Variants in P2RY10 observed in about 807,000 individuals in gnomAD.
P2RY10 encodes the protein putative P2Y purinoceptor 10.
Under a neutral mutation model 12.1 loss-of-function variants are expected in P2RY10, and 4 were observed. The ratio of observed to expected loss-of-function variants is 0.33; its 90% confidence interval spans 0.16 to 0.76. The LOEUF (loss-of-function observed/expected upper bound fraction) is 0.76. Among genes scored for constraint, P2RY10 ranks in the 30% least tolerant of loss-of-function variants. The pLI, the probability that P2RY10 is intolerant of heterozygous loss-of-function variation, is 0.61. For missense variants in P2RY10, 233 were observed against 264.6 expected, an observed-to-expected ratio of 0.88 and a Z score of 0.83; for synonymous variants, 112 against 94.1, an observed-to-expected ratio of 1.19 and a Z score of -1.10.
At chrX:78,956,903 G>A (rs1463046469) in intron 3 of P2RY10, among the ~76,000 whole-genome samples, 2 of 111,609 alleles carry the variant, frequency 1.8e-5, no homozygotes, top group Non-Finnish European at 3.8e-5. Flanking sequence ...CATACTTAAT[G>A]TTAATGTTAG....
At position 78,961,338 on chromosome X, in the gene P2RY10, T is replaced by C. The variant is rs1201370053; in HGVS notation, c.818T>C (p.Ile273Thr). ...FIFYTMVKET[I>T]ISSCPVVRIA... ...TTTTACACCATGGTAAAGGAAACCA[T>C]CATTAGCAGTTGTCCCGTTGTCCGA... Residue 273 changes from isoleucine to threonine, a missense_variant, in exon 4 of 4, where the codon ATC becomes ACC. By Grantham distance (89) the Ile-to-Thr change is moderately conservative. Coordinates refer to ENST00000171757, the MANE Select transcript of P2RY10 (RefSeq NM_014499.4). 1 of 1,209,215 alleles carries C rather than the reference T, an allele frequency of 8.3e-7. No homozygotes were observed. The highest frequency in any genetic ancestry group is 1.1e-6 in the Non-Finnish European group (1 of 894,710).
At chrX:78,951,179 A>G (rs1437105772) in intron 2 of P2RY10, among the ~76,000 whole-genome samples, 2 of 111,881 alleles carry the variant, frequency 1.8e-5, no homozygotes, top group Non-Finnish European at 3.8e-5. Context: ...CCAATGAATC[A>G]TATTTAAAGA....
At chrX:78,950,424 A>G (rs1264838199) in intron 2 of P2RY10, among the ~76,000 whole-genome samples, 1 of 111,463 alleles carries the variant, frequency 9.0e-6, no homozygotes, top group East Asian at 2.8e-4. Context: ...ATATAAAATT[A>G]CTGAAATCCA....
chrX:78,954,011 C>T (rs763645336), intron 3 of P2RY10, among the ~76,000 whole-genome samples: 3 of 111,219 alleles, frequency 2.7e-5, no homozygotes, highest in South Asian at 7.7e-4. Flanking sequence ...ACCACATAGG[C>T]GTGCCACCGC....
Position 78,960,697 on chromosome X carries a change from G to C in P2RY10, c.177G>C (p.Leu59=), listed in dbSNP as rs775850231. 1 of 1,209,029 alleles carries C rather than the reference G, an allele frequency of 8.3e-7. No homozygotes were observed. Among genetic ancestry groups the C allele is most frequent in the Admixed American group, 2.2e-5 (1 of 45,711 alleles). The change falls in exon 4 of 4, where the codon CTG becomes CTC. Residue 59 remains leucine, a synonymous_variant. Coordinates refer to ENST00000171757, the MANE Select transcript of P2RY10 (RefSeq NM_014499.4). ...LLANSAALWV[L]CRFISKKNKA... ...CTAACAGTGCAGCCTTGTGGGTTCT[G>C]TGCCGCTTCATCAGCAAGAAAAATA...
At chrX:78,959,854 G>A (rs776799627) in intron 3 of P2RY10, among the ~76,000 whole-genome samples, 1 of 112,096 alleles carries the variant, frequency 8.9e-6, no homozygotes, top group South Asian at 3.7e-4. Flanking sequence ...TATTATTAAA[G>A]CTTTTTATGT....
chrX:78,946,271 C>T (rs192261289), intron 1 of P2RY10, among the ~76,000 whole-genome samples: 56 of 111,876 alleles, frequency 5.0e-4, no homozygotes, highest in Non-Finnish European at 3.0e-4. Context: ...TTCCTTGATC[C>T]TTTGAAAGCT....
chrX:78,952,551 CAA>C (rs1410614159), intron 3 of P2RY10, among the ~76,000 whole-genome samples: 1 of 111,346 alleles, frequency 9.0e-6, no homozygotes, highest in Non-Finnish European at 1.9e-5. Flanking sequence ...AGGAAGGCAA[CAA>C]AGAGCTAGAA....
At position 78,947,826 on chromosome X, in the gene P2RY10, A is replaced by C. The variant is rs1409563534; in HGVS notation, c.-194A>C. On this transcript the variant is annotated 5_prime_UTR_variant, in exon 2 of 4. It removes an upstream start codon present in the reference 5' UTR. Transcript: ENST00000171757. The stretch of plus-strand genomic sequence containing the variant: ...TATATTTCTTTCAGGTAATGTTATC[A>C]TGACAGCTTCAACTTTTAGACCACA... 1.4e-6 allele frequency: 1 copy of C among 706,074 alleles called. No individual in the cohort carries two copies. Among genetic ancestry groups the C allele is most frequent in the Non-Finnish European group, 1.7e-6 (1 of 596,411 alleles). The allele number at this position is 706,074 out of a possible 1,213,427, so 58.2% of individuals were successfully genotyped here.
chrX:78,960,700 C>T lies in P2RY10; in HGVS notation c.180C>T (p.Cys60=), dbSNP rs904730024. ...LANSAALWVL[C]RFISKKNKAI... ...ACAGTGCAGCCTTGTGGGTTCTGTG[C>T]CGCTTCATCAGCAAGAAAAATAAAG... Residue 60 remains cysteine (C), a synonymous_variant, in exon 4 of 4, where the codon TGC becomes TGT. Transcript: ENST00000171757. The T allele has an allele frequency of 1.7e-6, 2 of 1,210,192 alleles. No homozygotes were observed. Among genetic ancestry groups the T allele is most frequent in the East Asian group, 3.0e-5 (1 of 33,835 alleles).
rs2147273725 is a variant in P2RY10, at chrX:78,960,877, C to T, written c.357C>T (p.Ala119=). 1.7e-6 allele frequency: 2 copies of T among 1,211,382 alleles called. No individual in the cohort carries two copies. Among genetic ancestry groups the T allele is most frequent in the Non-Finnish European group, 2.2e-6 (2 of 895,302 alleles). ...ACCTGAAGTATCTCAACATGTATGC[C>T]AGCATTTGTTTCCTGACGTGCATCA... ...CFYLKYLNMY[A]SICFLTCISL... The change falls in exon 4 of 4, where the codon GCC becomes GCT. Residue 119 remains alanine, a synonymous_variant. Transcript: ENST00000171757.
intron 1 of P2RY10, among the ~76,000 whole-genome samples, chrX:78,947,094 A>T (rs1168616926): frequency 3.6e-5 from 4 of 110,872 alleles, no homozygotes; most frequent in Non-Finnish European, 7.6e-5. Flanking sequence ...AGGCGCCTGT[A>T]ATCCCAGCTA....
chrX:78,961,662 G>A lies in P2RY10; in HGVS notation c.*122G>A. 2 of 528,465 alleles carry A rather than the reference G, an allele frequency of 3.8e-6. No individual in the cohort carries two copies. The highest frequency in any genetic ancestry group is 6.2e-6 in the Non-Finnish European group (2 of 320,497). 43.6% of individuals were successfully genotyped at this position (528,465 alleles called of 1,213,427 possible). A position where few individuals can be genotyped will look rare whatever the true frequency, so the allele number is the denominator to read the frequency against. On this transcript the variant is annotated 3_prime_UTR_variant, in exon 4 of 4. Transcript: ENST00000171757. ...GTAAAAAACAGGAATAAGTACTTTTGTGTAATATTCACAGTCAACAGGGGT... is the reference window on the plus strand; with the variant it reads ...GTAAAAAACAGGAATAAGTACTTTTATGTAATATTCACAGTCAACAGGGGT...
In P2RY10 at chrX:78,949,841, C is replaced by G. The variant is rs1406798909; in HGVS notation, c.-157+1978C>G. Among the ~76,000 whole-genome samples, 4 of 111,873 alleles carry G rather than the reference C, an allele frequency of 3.6e-5. No homozygotes were observed. The Admixed American group carries it at 3.8e-4, about 11-fold the overall frequency. ...GCAGAGTTTCCAATTCTAGCTGCTA[C>G]TCTTTGGTTCTGGTTGTAAGCGGCT... On this transcript the variant is annotated intron_variant, in intron 2 of 3. Coordinates refer to ENST00000171757, the MANE Select transcript of P2RY10 (RefSeq NM_014499.4).
intron 2 of P2RY10, among the ~76,000 whole-genome samples, chrX:78,950,141 T>C (rs1922042081): frequency 9.0e-6 from 1 of 111,160 alleles, no homozygotes; most frequent in South Asian, 3.8e-4. Context: ...CATGTTTACT[T>C]AGTGGTGCCA....
At chrX:78,950,537 G>A (rs1174009711) in intron 2 of P2RY10, among the ~76,000 whole-genome samples, 1 of 111,296 alleles carries the variant, frequency 9.0e-6, no homozygotes, top group Non-Finnish European at 1.9e-5. Flanking sequence ...CACTCCTGTT[G>A]TAAAGAAATT....
chrX:78,952,342 A>G lies in P2RY10; in HGVS notation c.-14+7A>G. 1.3e-6 allele frequency: 1 copy of G among 748,754 alleles called. No homozygotes were observed. Among genetic ancestry groups the G allele is most frequent in the African/African-American group, 2.3e-5 (1 of 43,687 alleles). The allele number at this position is 748,754 out of a possible 1,213,427, so 61.7% of individuals were successfully genotyped here. A position where few individuals can be genotyped will look rare whatever the true frequency, so the allele number is the denominator to read the frequency against. Reference sequence around the variant, plus strand: ...AGAGCACTTCAAACTAGAGGTACCAAGAGTAATTACTTCTGTAAGGCTGGC... The same window carrying G: ...AGAGCACTTCAAACTAGAGGTACCAGGAGTAATTACTTCTGTAAGGCTGGC... On this transcript the variant is annotated splice_region_variant and intron_variant, in intron 3 of 3. Transcript: ENST00000171757.
At chrX:78,946,059 G>T (rs962327105) in intron 1 of P2RY10, among the ~76,000 whole-genome samples, 6 of 111,728 alleles carry the variant, frequency 5.4e-5, no homozygotes, top group Non-Finnish European at 1.1e-4. Flanking sequence ...CTGAGAGCCA[G>T]TGAAGTGAAG....
chrX:78,957,387 C>CACACACACACAG (rs760263078), intron 3 of P2RY10, among the ~76,000 whole-genome samples: 10 of 75,811 alleles, frequency 1.3e-4, no homozygotes, highest in Non-Finnish European at 2.7e-4. Flanking sequence ...CACACACACA[C>CACACACACACAG]AGAGAGAGAG....
Sources: allele counts gnomAD v4.1 joint callset (sites outside exome capture counted in the v4.1 genomes callset), GRCh38; gene constraint gnomAD v4.1.1; transcripts MANE v1.5; gene names NCBI Gene and HGNC (gene_info 2026-07-23, HGNC 2026-07-21).